The following PAN3 variants were observed in gnomAD, a reference collection of about 807,000 sequenced individuals.
PAN3 encodes the protein poly(A) specific ribonuclease subunit PAN3.
Under a neutral mutation model 96.2 loss-of-function variants are expected in PAN3, and 19 were observed. The ratio of observed to expected loss-of-function variants is 0.20; its 90% CI spans 0.14 to 0.29. PAN3 has a LOEUF of 0.29. Among genes scored for constraint, PAN3 ranks in the 10% least tolerant of loss-of-function variants. PAN3 has a pLI of 1.00. For missense variants in PAN3, 882 were observed against 1,108.1 expected, an observed-to-expected ratio of 0.80 and a Z score of 2.90; for synonymous variants, 433 against 406.6, an observed-to-expected ratio of 1.06 and a Z score of -0.78.
intron 1 of PAN3, among the ~76,000 whole-genome samples, chr13:28,159,154 A>G (rs1215621222): frequency 1.3e-5 from 2 of 152,196 alleles, no homozygotes; most frequent in Non-Finnish European, 1.5e-5. Flanking sequence ...ACGCATGAAT[A>G]TGTTCATTGC....
chr13:28,207,525 A>G (rs1879516876), intron 5 of PAN3, among the ~76,000 whole-genome samples: 1 of 152,176 alleles, frequency 6.6e-6, no homozygotes, highest in Admixed American at 6.5e-5. Context: ...CCATGTAGCT[A>G]CCATGAAGAG....
Position 28,266,851 on chromosome 13 carries a change from G to A in PAN3, c.1548G>A (p.Leu516=), listed in dbSNP as rs776636968. The A allele has an allele frequency of 8.1e-6, 13 of 1,604,086 alleles. No individual in the cohort carries two copies. The South Asian group carries it at 1.5e-4, about 18-fold the overall frequency. The change falls in exon 10 of 19, where the codon CTG becomes CTA. Residue 516 remains leucine (L), a synonymous_variant. Transcript: ENST00000380958. The part of the protein sequence containing the change: ...CYKAVNSKDD[L]PYCLRRIHGF... Reference sequence around the variant, plus strand: ...AAGCTGTAAACAGCAAAGATGATCTGCCATATTGCCTTCGGAGGATACATG... The same window carrying A: ...AAGCTGTAAACAGCAAAGATGATCTACCATATTGCCTTCGGAGGATACATG...
intron 5 of PAN3, among the ~76,000 whole-genome samples, chr13:28,205,763 A>T (rs1879270123): frequency 6.6e-6 from 1 of 151,900 alleles, no homozygotes; most frequent in Non-Finnish European, 1.5e-5. Context: ...GAATCCCATG[A>T]GTTCGAGGCT....
intron 1 of PAN3, among the ~76,000 whole-genome samples, chr13:28,147,742 A>G (rs1870860688): frequency 6.6e-6 from 1 of 152,176 alleles, no homozygotes; most frequent in Non-Finnish European, 1.5e-5. Context: ...TTTTCACATC[A>G]TCATAAAGTC....
chr13:28,160,634 A>G (rs1298416735), intron 1 of PAN3, among the ~76,000 whole-genome samples: 4 of 152,240 alleles, frequency 2.6e-5, no homozygotes, highest in African/African-American at 7.2e-5. Flanking sequence ...AGAAATAACC[A>G]TATATATCTT....
intron 1 of PAN3, among the ~76,000 whole-genome samples, chr13:28,141,933 G>T (rs1371866323): frequency 6.6e-6 from 1 of 152,200 alleles, no homozygotes; most frequent in African/African-American, 2.4e-5. Flanking sequence ...ATAGGGACTC[G>T]AGAGGACAGG....
At chr13:28,149,701 G>C (rs1292189245) in intron 1 of PAN3, among the ~76,000 whole-genome samples, 2 of 152,148 alleles carry the variant, frequency 1.3e-5, no homozygotes, top group African/African-American at 4.8e-5. Flanking sequence ...ATGCACCCTT[G>C]AACTCCTGGG....
chr13:28,176,402 G>A, intron 2 of PAN3, 91 bp from the exon 3 acceptor site: 1 of 1,130,316 alleles, frequency 8.8e-7, no homozygotes, highest in Non-Finnish European at 1.3e-6. Flanking sequence ...AGATTGGAGG[G>A]GAAGAAGCAA....
chr13:28,257,955 C>T (rs760401742), intron 7 of PAN3, among the ~76,000 whole-genome samples: 18 of 151,606 alleles, frequency 1.2e-4, no homozygotes, highest in East Asian at 5.8e-4. Context: ...GGACTACAGA[C>T]GCACACCACC....
intron 13 of PAN3, 96 bp downstream of exon 13, chr13:28,270,962 A>G: frequency 3.2e-6 from 4 of 1,234,000 alleles, no homozygotes; most frequent in Non-Finnish European, 1.1e-6. Flanking sequence ...GCCTTTTCAT[A>G]TATTCCATCC....
In PAN3 at chr13:28,256,397, A is replaced by G. The variant is rs1428901554; in HGVS notation, c.1106A>G (p.Tyr369Cys). The change falls in exon 7 of 19, where the codon TAC (tyrosine) becomes TGC (cysteine). Residue 369 changes from tyrosine to cysteine, a missense_variant. By Grantham distance (194) the Tyr-to-Cys change is radical (BLOSUM62 -2). Coordinates refer to ENST00000380958, the MANE Select transcript of PAN3 (RefSeq NM_175854.8). ...RRSHTPNPASYMVPSSASTSV... is the reference protein window; with the variant it reads ...RRSHTPNPASCMVPSSASTSV... ...AGTCACACTCCAAATCCAGCAAGTTACATGGTGCCTTCTAGTGCCTCTACA... is the reference window on the plus strand; with the variant it reads ...AGTCACACTCCAAATCCAGCAAGTTGCATGGTGCCTTCTAGTGCCTCTACA... 1.2e-6 allele frequency: 2 copies of G among 1,614,110 alleles called. No homozygotes were observed. The highest frequency in any genetic ancestry group is 1.6e-4 in the Middle Eastern group (1 of 6,062).
chr13:28,285,882 G>A (rs1456208763), intron 17 of PAN3, among the ~76,000 whole-genome samples: 1 of 151,924 alleles, frequency 6.6e-6, no homozygotes, highest in African/African-American at 2.4e-5. Flanking sequence ...ATAGATTTTT[G>A]CTGGTGGTTG....
chr13:28,225,751 GA>G (rs1011896234), intron 6 of PAN3, among the ~76,000 whole-genome samples: 6 of 150,804 alleles, frequency 4.0e-5, no homozygotes, highest in South Asian at 4.2e-4. Context: ...TGCTGAATGG[GA>G]AAAAAAAACT....
intron 4 of PAN3, among the ~76,000 whole-genome samples, chr13:28,183,043 A>C (rs1487518335): frequency 6.6e-6 from 1 of 152,208 alleles, no homozygotes; most frequent in Non-Finnish European, 1.5e-5. Flanking sequence ...GGAAAAAGAT[A>C]AAGTAAATTT....
chr13:28,164,515 G>A (rs773570137), intron 1 of PAN3, among the ~76,000 whole-genome samples: 3 of 152,138 alleles, frequency 2.0e-5, no homozygotes, highest in Non-Finnish European at 2.9e-5. Context: ...GGTACTTTTT[G>A]GAAAATGTCT....
chr13:28,229,229 C>A (rs1416453881), intron 6 of PAN3, among the ~76,000 whole-genome samples: 1 of 152,188 alleles, frequency 6.6e-6, no homozygotes, highest in South Asian at 2.1e-4. Flanking sequence ...GAGATATTTT[C>A]TCATTTGCAT....
intron 7 of PAN3, 102 bp downstream of exon 7, chr13:28,256,641 A>G (rs1354376530): frequency 1.8e-5 from 23 of 1,261,810 alleles, no homozygotes; most frequent in Non-Finnish European, 2.5e-5. Flanking sequence ...TTGTGATGCA[A>G]AAAAGTATTT....
chr13:28,251,996 T>C (rs1884771824), intron 6 of PAN3, among the ~76,000 whole-genome samples: 1 of 151,864 alleles, frequency 6.6e-6, no homozygotes. Flanking sequence ...CAAATGATTC[T>C]CCTGCCTCAG....
At chr13:28,277,198 A>T in intron 14 of PAN3, 39 bp from the exon 15 acceptor site, 1 of 1,567,352 alleles carries the variant, frequency 6.4e-7, no homozygotes, top group Non-Finnish European at 8.7e-7. Context: ...AGTACCTGTG[A>T]AATGAAAATT....
Sources: allele counts gnomAD v4.1 joint callset (sites outside exome capture counted in the v4.1 genomes callset), GRCh38; gene constraint gnomAD v4.1.1; transcripts MANE v1.5; gene names NCBI Gene and HGNC (gene_info 2026-07-23, HGNC 2026-07-21).